The following CHD2 variants were observed in gnomAD, a reference collection of about 807,000 sequenced individuals.
CHD2 encodes the protein chromodomain helicase DNA binding protein 2, also known as ATP-dependent chromatin remodeler CHD2.
Under a neutral mutation model 243.9 loss-of-function variants are expected in CHD2, and 28 were observed. That is an observed-to-expected ratio of 0.11 (90% CI 0.09 to 0.16). The LOEUF (loss-of-function observed/expected upper bound fraction) is 0.16. CHD2 is among the 10% of genes least tolerant of loss of function. The pLI is 1.00. For synonymous variants in CHD2, 775 were observed against 779.0 expected (o/e 0.99, Z 0.09); for missense variants, 1,386 against 2,209.8 (o/e 0.63, Z 7.47).
At position 92,929,877 on chromosome 15, in the gene CHD2, C is replaced by T. The variant is rs1324365906; in HGVS notation, c.443+786C>T. On this transcript the variant is annotated intron_variant, in intron 5 of 38. Transcript: ENST00000394196. Reference sequence around the variant, plus strand: ...ATATTATTACTCTTTAGTAAGTGGCCTAAGGCAAGTCATTTGAGATTTTAA... The same window carrying T: ...ATATTATTACTCTTTAGTAAGTGGCTTAAGGCAAGTCATTTGAGATTTTAA... 2.0e-5 allele frequency among the ~76,000 whole-genome samples: 3 copies of T among 151,608 alleles called. No individual in the cohort carries two copies. The East Asian group carries it at 5.8e-4, about 29-fold the overall frequency.
chr15:93,020,413 G>A, intron 38 of CHD2, 155 bp downstream of exon 38: 1 of 953,802 alleles, frequency 1.0e-6, no homozygotes, highest in Non-Finnish European at 1.6e-6. Context: ...CTTGGTTATA[G>A]GTTTTATGTT....
At chr15:93,006,834 C>G (rs2054328309) in intron 34 of CHD2, among the ~76,000 whole-genome samples, 3 of 152,206 alleles carry the variant, frequency 2.0e-5, no homozygotes, top group African/African-American at 7.2e-5. Flanking sequence ...ACTTGCTTTT[C>G]CTCTCACAGC....
At chr15:92,957,464 A>C (rs993814654) in intron 16 of CHD2, among the ~76,000 whole-genome samples, 1 of 152,170 alleles carries the variant, frequency 6.6e-6, no homozygotes, top group African/African-American at 2.4e-5. Flanking sequence ...AACCTGTTTT[A>C]GTGTCTATAT....
At chr15:92,951,034 A>C (rs1476617706) in intron 13 of CHD2, among the ~76,000 whole-genome samples, 1 of 152,204 alleles carries the variant, frequency 6.6e-6, no homozygotes, top group African/African-American at 2.4e-5. Flanking sequence ...ACAGTTAATA[A>C]AAGTTAGATG....
At position 92,900,664 on chromosome 15, in the gene CHD2, A is replaced by T; in HGVS notation, c.-232A>T. The stretch of plus-strand genomic sequence containing the variant: ...TTCTTTCGGACCTGTTTTAGTATTA[A>T]TTATTGCTTTATTTTTTTGACCAGT... On this transcript the variant is annotated 5_prime_UTR_variant, in exon 1 of 39. Transcript: ENST00000394196. The T allele has an allele frequency of 2.5e-6, 1 of 398,224 alleles. No individual in the cohort carries two copies. Among genetic ancestry groups the T allele is most frequent in the Non-Finnish European group, 4.4e-6 (1 of 226,046 alleles). 24.7% of individuals were successfully genotyped at this position (398,224 alleles called of 1,614,324 possible).
chr15:92,999,479 G>A (rs942787280), intron 31 of CHD2, among the ~76,000 whole-genome samples: 5 of 152,162 alleles, frequency 3.3e-5, no homozygotes, highest in African/African-American at 1.2e-4. Context: ...TATAATTTCA[G>A]TTCAGGCCCA....
At chr15:93,018,092 G>GAACT (rs1248451584) in intron 37 of CHD2, among the ~76,000 whole-genome samples, 36 of 152,188 alleles carry the variant, frequency 2.4e-4, no homozygotes, top group Admixed American at 1.3e-4. Context: ...CAGAAAAAAT[G>GAACT]AACTAGCTTG....
chr15:93,020,155 C>T lies in CHD2; in HGVS notation c.5050C>T (p.His1684Tyr), dbSNP rs746849506. 238 of 1,613,938 alleles carry T rather than the reference C, an allele frequency of 1.5e-4. No individual in the cohort carries two copies. The highest frequency in any genetic ancestry group is 8.2e-4 in the Middle Eastern group (5 of 6,084). Residue 1684 changes from histidine to tyrosine, a missense_variant, in exon 38 of 39, where the codon CAC becomes TAC. This residue lies in a region of CHD2 where 347 missense variants were observed against 341.6 expected (regional missense o/e 1.02). Coordinates refer to ENST00000394196, the MANE Select transcript of CHD2 (RefSeq NM_001271.4). The stretch of plus-strand genomic sequence containing the variant: ...TGGGGACCGGCGACATATGGATGCC[C>T]ACCGTTCCGGAAGCTATCGACCCAA... ...HYGDRRHMDA[H>Y]RSGSYRPNNM...
At position 92,985,446 on chromosome 15, in the gene CHD2, C is replaced by T. The variant is rs1218087591; in HGVS notation, c.3238-52C>T. 11 of 1,534,382 alleles carry T rather than the reference C, an allele frequency of 7.2e-6. No individual in the cohort carries two copies. The South Asian group carries it at 1.2e-4, about 17-fold the overall frequency. Reference sequence around the variant, plus strand: ...AGATGGCCTTCTCTTAGTCCTTTCACCACTTGAACTTCGCACTTGTTACAG... The same window carrying T: ...AGATGGCCTTCTCTTAGTCCTTTCATCACTTGAACTTCGCACTTGTTACAG... On this transcript the variant is annotated intron_variant, in intron 25 of 38. Coordinates refer to ENST00000394196, the MANE Select transcript of CHD2 (RefSeq NM_001271.4).
At chr15:92,901,090 A>G (rs1323095966) in intron 1 of CHD2, 77 bp from the exon 2 acceptor site, 1 of 669,450 alleles carries the variant, frequency 1.5e-6, no homozygotes, top group African/African-American at 1.8e-5. Context: ...TATCGTTAAC[A>G]TCGTCAGGAC....
chr15:92,919,780 C>G (rs890441054), intron 2 of CHD2, among the ~76,000 whole-genome samples: 10 of 152,142 alleles, frequency 6.6e-5, no homozygotes, highest in African/African-American at 2.4e-4. Flanking sequence ...GGATTTGGCT[C>G]TCATGATTAG....
intron 35 of CHD2, among the ~76,000 whole-genome samples, chr15:93,012,118 T>G (rs529863535): frequency 1.6e-4 from 24 of 152,162 alleles, no homozygotes; most frequent in Non-Finnish European, 2.5e-4. Context: ...GAAAAAAAAT[T>G]GATTTTGTTT....
chr15:92,994,386 G>T (rs1003414251), intron 28 of CHD2, among the ~76,000 whole-genome samples: 21 of 151,814 alleles, frequency 1.4e-4, no homozygotes, highest in Non-Finnish European at 2.5e-4. Flanking sequence ...TTCTTTTTAA[G>T]ATTTTAATAA....
chr15:92,924,000 C>A (rs1220050302), intron 2 of CHD2, among the ~76,000 whole-genome samples: 1 of 152,162 alleles, frequency 6.6e-6, no homozygotes, highest in African/African-American at 2.4e-5. Context: ...GAGTTAAATA[C>A]TTATGAGCCT....
Position 92,978,329 on chromosome 15 carries a change from C to G in CHD2, c.2673C>G (p.Pro891=). The G allele has an allele frequency of 6.2e-7, 1 of 1,614,110 alleles. No individual in the cohort carries two copies. The highest frequency in any genetic ancestry group is 8.5e-7 in the Non-Finnish European group (1 of 1,180,030). The change falls in exon 21 of 39, where the codon CCC becomes CCG. Residue 891 remains proline (P), a synonymous_variant. Transcript: ENST00000394196. The part of the protein sequence containing the change: ...TVVIFDSDWN[P]QNDLQAQARA... Reference sequence around the variant, plus strand: ...TCATCTTTGACTCTGACTGGAACCCCCAGAATGACTTGCAGGCACAAGCCC... The same window carrying G: ...TCATCTTTGACTCTGACTGGAACCCGCAGAATGACTTGCAGGCACAAGCCC...
intron 16 of CHD2, among the ~76,000 whole-genome samples, chr15:92,961,845 A>G (rs1367432609): frequency 7.5e-6 from 1 of 134,038 alleles, no homozygotes; most frequent in African/African-American, 2.7e-5. Context: ...AACTTTTGAC[A>G]TCATTGGTTT....
At chr15:92,936,427 T>C (rs1191931592) in intron 5 of CHD2, among the ~76,000 whole-genome samples, 1 of 152,214 alleles carries the variant, frequency 6.6e-6, no homozygotes, top group Non-Finnish European at 1.5e-5. Flanking sequence ...GCCTAGCAGC[T>C]ATTACATGTT....
intron 2 of CHD2, among the ~76,000 whole-genome samples, chr15:92,909,144 A>G (rs2052680566): frequency 6.6e-6 from 1 of 151,816 alleles, no homozygotes; most frequent in Non-Finnish European, 1.5e-5. Flanking sequence ...TAAAAAATGT[A>G]TATGCAGGTG....
chr15:92,944,366 TCC>T, intron 9 of CHD2, 47 bp from the exon 10 acceptor site: 1 of 1,067,824 alleles, frequency 9.4e-7, no homozygotes, highest in Non-Finnish European at 1.4e-6. Flanking sequence ...TGTATGTGGA[TCC>T]CCAGACTTTA....
Sources: allele counts gnomAD v4.1 joint callset (sites outside exome capture counted in the v4.1 genomes callset), GRCh38; gene constraint gnomAD v4.1.1; regional missense constraint gnomAD v4.1.1; transcripts MANE v1.5; gene names NCBI Gene and HGNC (gene_info 2026-07-23, HGNC 2026-07-21).